SNTG2: variants seen among roughly 807,000 people sequenced by gnomAD.
SNTG2 encodes the protein gamma-2-syntrophin.
In SNTG2, 74 loss-of-function variants were observed where a neutral mutation model predicts 70.9. The observed-to-expected ratio is 1.04, with a 90% CI of 0.86 to 1.27. The LOEUF (loss-of-function observed/expected upper bound fraction) is 1.27. Among genes scored for constraint, SNTG2 ranks in the 50% most tolerant of loss-of-function variants. The pLI is 0.00. For missense variants in SNTG2, 717 were observed against 690.7 expected (o/e 1.04, Z -0.43); for synonymous variants, 278 against 273.8 (o/e 1.02, Z -0.15).
chr2:1,367,211 A>G (rs1321516592), intron 16 of SNTG2, 132 bp from the exon 17 acceptor site: 14 of 835,506 alleles, frequency 1.7e-5, no homozygotes, highest in African/African-American at 3.5e-5. Context: ...TAAACCATAC[A>G]TATTTCCTGT....
intron 8 of SNTG2, among the ~76,000 whole-genome samples, chr2:1,186,188 C>T (rs1672238184): frequency 6.6e-6 from 1 of 152,154 alleles, no homozygotes; most frequent in African/African-American, 2.4e-5. Context: ...AAGTGATGAC[C>T]TTTGCTACTG....
At chr2:972,128 T>G (rs1660764791) in intron 1 of SNTG2, among the ~76,000 whole-genome samples, 1 of 152,158 alleles carries the variant, frequency 6.6e-6, no homozygotes, top group Non-Finnish European at 1.5e-5. Flanking sequence ...TTTGGGGGTA[T>G]AGAGCTCTGT....
chr2:1,277,889 G>A (rs930206122), intron 14 of SNTG2, among the ~76,000 whole-genome samples: 32 of 152,194 alleles, frequency 2.1e-4, no homozygotes, highest in African/African-American at 7.5e-4. Context: ...GGAAGTGTCC[G>A]GCCCCACTCC....
At chr2:1,267,599 C>G (rs772829215) in intron 14 of SNTG2, 28 bp downstream of exon 14, 1 of 1,595,000 alleles carries the variant, frequency 6.3e-7, no homozygotes. Flanking sequence ...ACTCTTCTCA[C>G]CTACACCTGC....
At chr2:1,074,666 C>T (rs891587546) in intron 1 of SNTG2, among the ~76,000 whole-genome samples, 1 of 152,200 alleles carries the variant, frequency 6.6e-6, no homozygotes, top group African/African-American at 2.4e-5. Flanking sequence ...ACATTAAACA[C>T]ACCTCCTACA....
At chr2:1,068,431 C>G (rs1038272397) in intron 1 of SNTG2, 7 of 152,142 alleles carry the variant, frequency 4.6e-5, no homozygotes, top group African/African-American at 1.7e-4. Context: ...AATGGCAGAG[C>G]CCAGTAACCA....
At chr2:1,117,317 C>A (rs1350971910) in intron 4 of SNTG2, among the ~76,000 whole-genome samples, 1 of 152,064 alleles carries the variant, frequency 6.6e-6, no homozygotes, top group African/African-American at 2.4e-5. Context: ...TAGAAGGTGT[C>A]TGAGATGACT....
At chr2:1,006,172 G>A (rs1659564261) in intron 1 of SNTG2, among the ~76,000 whole-genome samples, 1 of 119,706 alleles carries the variant, frequency 8.4e-6, no homozygotes, top group African/African-American at 3.1e-5. Context: ...CTGTGGTGGG[G>A]TGGGGGGAGG....
chr2:1,126,034 A>C (rs1290998729), intron 4 of SNTG2, among the ~76,000 whole-genome samples: 1 of 152,150 alleles, frequency 6.6e-6, no homozygotes, highest in Non-Finnish European at 1.5e-5. Flanking sequence ...TTTGAAAATA[A>C]ACAATATATT....
chr2:1,024,741 A>G (rs1219521198), intron 1 of SNTG2, among the ~76,000 whole-genome samples: 4 of 152,218 alleles, frequency 2.6e-5, no homozygotes, highest in Non-Finnish European at 4.4e-5. Flanking sequence ...GAGAATTAAT[A>G]CCCAAGGCTC....
intron 12 of SNTG2, among the ~76,000 whole-genome samples, chr2:1,255,013 C>T (rs1453615197): frequency 6.6e-6 from 1 of 152,102 alleles, no homozygotes; most frequent in Non-Finnish European, 1.5e-5. Context: ...CTGCATGGGC[C>T]CCTCTTAGCA....
At chr2:985,484 G>A (rs1661275240) in intron 1 of SNTG2, among the ~76,000 whole-genome samples, 1 of 152,132 alleles carries the variant, frequency 6.6e-6, no homozygotes, top group Admixed American at 6.5e-5. Context: ...GAATAAGAGG[G>A]CCTGCAGCTC....
chr2:1,143,892 C>G (rs569961576), intron 6 of SNTG2, among the ~76,000 whole-genome samples: 4 of 144,796 alleles, frequency 2.8e-5, no homozygotes, highest in South Asian at 2.3e-4. Context: ...ACAACCCCCC[C>G]CCAGAAAAAG....
intron 1 of SNTG2, among the ~76,000 whole-genome samples, chr2:1,037,529 A>T (rs1661197835): frequency 6.6e-6 from 1 of 152,098 alleles, no homozygotes; most frequent in African/African-American, 2.4e-5. Flanking sequence ...GTCCCTGGCC[A>T]CCAGGGACCT....
intron 1 of SNTG2, among the ~76,000 whole-genome samples, chr2:1,005,922 T>G (rs1265833008): frequency 7.0e-6 from 1 of 143,460 alleles, no homozygotes; most frequent in Non-Finnish European, 1.5e-5. Context: ...TATTTAAACA[T>G]TGGATGAAAA....
At chr2:1,173,278 C>T in intron 8 of SNTG2, 95 bp downstream of exon 8, 2 of 1,110,572 alleles carry the variant, frequency 1.8e-6, no homozygotes, top group Non-Finnish European at 2.7e-6. Context: ...GCTGTACTGC[C>T]CAGTGAAGAT....
In SNTG2 at chr2:950,876, C is replaced by T. The variant is rs935030413; in HGVS notation, c.-121C>T. 16 of 333,378 alleles carry T rather than the reference C, an allele frequency of 4.8e-5. No homozygotes were observed. Among genetic ancestry groups the T allele is most frequent in the African/African-American group, 3.3e-4 (15 of 45,424 alleles). The allele number at this position is 333,378 out of a possible 1,614,324, so 20.7% of individuals were successfully genotyped here. On this transcript the variant is annotated 5_prime_UTR_variant, in exon 1 of 17. Coordinates refer to ENST00000308624, the MANE Select transcript of SNTG2 (RefSeq NM_018968.4). ...CCCTGCGCCCCGGTGGAGCCCGAGC[C>T]GGAGCCGGCAGAGGGGCGCGGGCGC...
At chr2:1,267,334 G>A in intron 13 of SNTG2, 31 bp from the exon 14 acceptor site, 1 of 1,560,216 alleles carries the variant, frequency 6.4e-7, no homozygotes, top group Non-Finnish European at 8.7e-7. Flanking sequence ...TTCCAGCGCT[G>A]CACGTTTCCA....
intron 12 of SNTG2, among the ~76,000 whole-genome samples, chr2:1,255,973 C>T (rs1003594777): frequency 1.4e-5 from 2 of 142,970 alleles, no homozygotes; most frequent in Admixed American, 7.3e-5. Context: ...AATACACATA[C>T]GTATGTATAG....
Sources: allele counts gnomAD v4.1 joint callset (sites outside exome capture counted in the v4.1 genomes callset), GRCh38; gene constraint gnomAD v4.1.1; transcripts MANE v1.5; gene names NCBI Gene and HGNC (gene_info 2026-07-23, HGNC 2026-07-21).